The following PCDH9 variants were observed in gnomAD, a reference collection of about 807,000 sequenced individuals.
PCDH9 encodes protocadherin-9.
A neutral mutation model predicts 70.6 loss-of-function variants in PCDH9; 24 were observed. The observed-to-expected ratio is 0.34, with a 90% CI of 0.25 to 0.48. The LOEUF (loss-of-function observed/expected upper bound fraction) is 0.48, where lower values mean the gene tolerates loss of function less well. Among genes scored for constraint, PCDH9 ranks in the 20% least tolerant of loss-of-function variants. The probability of loss-of-function intolerance (pLI) is 0.99; values close to 1 mark genes in which losing one functional copy is unlikely to be tolerated. For synonymous variants in PCDH9, 562 were observed against 558.5 expected (o/e 1.01, Z -0.09); for missense variants, 1,281 against 1,503.6 (o/e 0.85, Z 2.45).
intron 3 of PCDH9, among the ~76,000 whole-genome samples, chr13:66,696,926 C>A (rs890748266): frequency 2.8e-4 from 42 of 151,252 alleles, no homozygotes; most frequent in Non-Finnish European, 5.0e-4. Context: ...CATAGTGAGA[C>A]CTCCATCTCT....
chr13:67,170,797 C>T (rs2088262652), intron 2 of PCDH9, among the ~76,000 whole-genome samples: 1 of 152,052 alleles, frequency 6.6e-6, no homozygotes, highest in South Asian at 2.1e-4. Flanking sequence ...TGGTGGTGCA[C>T]TCCTGTAATC....
At chr13:66,849,515 T>TAGAGAGAGAGAGAGAGAGAGAG (rs1315844570) in intron 3 of PCDH9, among the ~76,000 whole-genome samples, 6 of 72,522 alleles carry the variant, frequency 8.3e-5, no homozygotes, top group African/African-American at 3.9e-4. Context: ...TATATATATA[T>TAGAGAGAGAGAGAGAGAGAGAG]ATAGAGAGAG....
intron 2 of PCDH9, among the ~76,000 whole-genome samples, chr13:66,956,400 A>T (rs1202720133): frequency 1.3e-5 from 2 of 152,186 alleles, no homozygotes; most frequent in Non-Finnish European, 2.9e-5. Flanking sequence ...AAGTATTTTT[A>T]AAAAGGTGAG....
chr13:66,863,794 T>C (rs970426757), intron 3 of PCDH9, among the ~76,000 whole-genome samples: 2 of 152,100 alleles, frequency 1.3e-5, no homozygotes, highest in East Asian at 1.9e-4. Flanking sequence ...AACTGTGACA[T>C]GCAAAATTTC....
At chr13:66,341,191 C>T (rs1399877875) in intron 4 of PCDH9, among the ~76,000 whole-genome samples, 1 of 152,082 alleles carries the variant, frequency 6.6e-6, no homozygotes, top group Non-Finnish European at 1.5e-5. Flanking sequence ...CTCCTGGGCT[C>T]AAGCAATCCT....
rs1268460144 is a variant in PCDH9 at position 66,728,237 on chromosome 13, C to T, written c.3139-96826G>A. Among the ~76,000 whole-genome samples, 3 of 152,150 alleles carry T rather than the reference C, an allele frequency of 2.0e-5. No homozygotes were observed. In the East Asian group the frequency reaches 5.8e-4, roughly 29 times the overall value. ...ATGCTGTTTGACAGCCCTGGTTTTG[C>T]CGCATTATTTTAAACTTAGGTTGTC... On this transcript the variant is annotated intron_variant, in intron 3 of 4. Coordinates refer to ENST00000377865, the MANE Select transcript of PCDH9 (RefSeq NM_203487.3).
intron 2 of PCDH9, among the ~76,000 whole-genome samples, chr13:66,978,669 T>C (rs1383129803): frequency 6.7e-6 from 1 of 150,002 alleles, no homozygotes; most frequent in East Asian, 1.9e-4. Context: ...TTTATGCTAC[T>C]ATCTTCTATA....
chr13:66,566,806 T>TA lies in PCDH9; in HGVS notation c.3340+64403dup, dbSNP rs1034140831. On this transcript the variant is annotated intron_variant, in intron 4 of 4. Transcript: ENST00000377865. ...TATAATTTTGTTAGACAGCATCTTATAAAAAAATCATGCTTAAATTTTTGA... is the reference window on the plus strand; with the variant it reads ...TATAATTTTGTTAGACAGCATCTTATAAAAAAAATCATGCTTAAATTTTTGA... Among the ~76,000 whole-genome samples the TA allele has an allele frequency of 2.6e-5, 4 of 152,106 alleles. No individual in the cohort carries two copies. In the East Asian group the frequency reaches 7.7e-4, roughly 29 times the overall value.
chr13:67,087,632 T>C (rs1197288060), intron 2 of PCDH9, among the ~76,000 whole-genome samples: 1 of 152,126 alleles, frequency 6.6e-6, no homozygotes, highest in African/African-American at 2.4e-5. Flanking sequence ...TTGGCAAACA[T>C]TAGCTGTGCA....
At chr13:67,096,306 A>G (rs561927129) in intron 2 of PCDH9, among the ~76,000 whole-genome samples, 6 of 152,166 alleles carry the variant, frequency 3.9e-5, no homozygotes, top group Non-Finnish European at 8.8e-5. Context: ...AAAGCCACGA[A>G]CCGTAAAATA....
chr13:66,961,448 A>C (rs1434212164), intron 2 of PCDH9, among the ~76,000 whole-genome samples: 2 of 152,238 alleles, frequency 1.3e-5, no homozygotes, highest in Non-Finnish European at 2.9e-5. Flanking sequence ...AAAGGAAGGA[A>C]TAGAAGCCTA....
At chr13:67,177,525 C>G (rs1566476525) in intron 2 of PCDH9, among the ~76,000 whole-genome samples, 1 of 152,050 alleles carries the variant, frequency 6.6e-6, no homozygotes, top group Non-Finnish European at 1.5e-5. Context: ...CTTTGTTGAT[C>G]TCTTTGATAA....
chr13:66,711,739 A>T (rs1404712889), intron 3 of PCDH9, among the ~76,000 whole-genome samples: 2 of 152,170 alleles, frequency 1.3e-5, no homozygotes, highest in East Asian at 3.8e-4. Context: ...ATCGATGGTC[A>T]CATTAATTGA....
chr13:67,136,636 TATTATGGTC>T (rs2087239632), intron 2 of PCDH9, among the ~76,000 whole-genome samples: 1 of 152,196 alleles, frequency 6.6e-6, no homozygotes, highest in Non-Finnish European at 1.5e-5. Context: ...TTCAGGCAGA[TATTATGGTC>T]TAATCTCTTT....
intron 3 of PCDH9, among the ~76,000 whole-genome samples, chr13:66,859,438 T>C (rs1184615856): frequency 6.6e-6 from 1 of 152,174 alleles, no homozygotes; most frequent in Non-Finnish European, 1.5e-5. Flanking sequence ...GGGTAAAATT[T>C]AGGTTAGGTT....
At chr13:66,521,430 G>A (rs765964010) in intron 4 of PCDH9, among the ~76,000 whole-genome samples, 5 of 152,118 alleles carry the variant, frequency 3.3e-5, no homozygotes, top group Non-Finnish European at 7.4e-5. Context: ...TCACCACTTT[G>A]AAGATGGAAT....
chr13:67,002,388 A>G (rs569150770), intron 2 of PCDH9, among the ~76,000 whole-genome samples: 3 of 151,982 alleles, frequency 2.0e-5, no homozygotes, highest in Non-Finnish European at 2.9e-5. Context: ...TTATGCTTAT[A>G]ATCTAGGCAT....
intron 2 of PCDH9, among the ~76,000 whole-genome samples, chr13:66,931,943 T>C (rs1307588028): frequency 6.6e-6 from 1 of 152,092 alleles, no homozygotes. Flanking sequence ...AGAGTGCATA[T>C]ATGTATGTTT....
At chr13:67,092,234 G>T (rs148978242) in intron 2 of PCDH9, among the ~76,000 whole-genome samples, 17 of 151,946 alleles carry the variant, frequency 1.1e-4, no homozygotes, top group African/African-American at 4.1e-4. Flanking sequence ...AGGATCTATT[G>T]TATTTCTGGC....
Sources: gnomAD v4.1 joint callset for allele counts (sites outside exome capture counted in the v4.1 genomes callset) on GRCh38, gnomAD v4.1.1 for gene constraint, MANE v1.5 for transcripts, NCBI Gene and HGNC (gene_info 2026-07-23, HGNC 2026-07-21) for gene names.